CSMD3: variants seen among roughly 807,000 people sequenced by gnomAD.
The protein encoded by CSMD3 is CUB and Sushi multiple domains 3.
Under a neutral mutation model 435.2 loss-of-function variants are expected in CSMD3, and 177 were observed. The observed-to-expected ratio is 0.41, with a 90% CI of 0.36 to 0.46. The LOEUF (loss-of-function observed/expected upper bound fraction) is 0.46, where lower values mean the gene tolerates loss of function less well. Ranked by LOEUF, CSMD3 falls within the 20% of genes least tolerant of loss-of-function variation. The pLI is 0.34. For missense variants in CSMD3, 4,265 were observed against 4,504.6 expected, an observed-to-expected ratio of 0.95 and a Z score of 1.52; for synonymous variants, 1,656 against 1,520.5, an observed-to-expected ratio of 1.09 and a Z score of -2.07.
chr8:113,191,703 T>C (rs2092588312), intron 3 of CSMD3, among the ~76,000 whole-genome samples: 2 of 152,000 alleles, frequency 1.3e-5, no homozygotes, highest in South Asian at 2.1e-4. Context: ...CTATTGTGAA[T>C]AGTGCTGCAA....
At chr8:113,346,233 T>C (rs549145982) in intron 1 of CSMD3, among the ~76,000 whole-genome samples, 20 of 152,132 alleles carry the variant, frequency 1.3e-4, no homozygotes, top group Admixed American at 8.5e-4. Flanking sequence ...ACTTTTAGAA[T>C]ATCCTCAATT....
chr8:112,899,489 C>T (rs990487125), intron 10 of CSMD3, among the ~76,000 whole-genome samples: 1 of 145,254 alleles, frequency 6.9e-6, no homozygotes, highest in Admixed American at 7.0e-5. Context: ...AAAGCATTCA[C>T]TAAAGACTTC....
At chr8:112,924,338 T>C (rs553842865) in intron 9 of CSMD3, among the ~76,000 whole-genome samples, 53 of 152,276 alleles carry the variant, frequency 3.5e-4, no homozygotes, top group Admixed American at 3.1e-3. Flanking sequence ...AAGCTAATGA[T>C]GGTAAAAACT....
intron 1 of CSMD3, among the ~76,000 whole-genome samples, chr8:113,320,931 C>T (rs544707231): frequency 6.6e-6 from 1 of 151,520 alleles, no homozygotes; most frequent in South Asian, 2.1e-4. Flanking sequence ...CATGTAGAAA[C>T]TAGTCATCCA....
At chr8:112,351,332 G>A in intron 39 of CSMD3, 88 bp from the exon 40 acceptor site, 1 of 873,076 alleles carries the variant, frequency 1.1e-6, no homozygotes, top group East Asian at 2.4e-5. Context: ...ATAAAAACAA[G>A]CTTAAGTACA....
intron 1 of CSMD3, among the ~76,000 whole-genome samples, chr8:113,435,235 G>C (rs2130130721): frequency 6.6e-6 from 1 of 152,290 alleles, no homozygotes; most frequent in Non-Finnish European, 1.5e-5. Flanking sequence ...GCCCCAGAGA[G>C]AAAAGAAAAA....
intron 32 of CSMD3, among the ~76,000 whole-genome samples, chr8:112,445,107 G>A (rs1237862745): frequency 6.6e-6 from 1 of 152,000 alleles, no homozygotes; most frequent in Non-Finnish European, 1.5e-5. Context: ...GCTGGGTGTG[G>A]TGATGTGTGC....
At chr8:112,570,581 A>C (rs1177668584) in intron 24 of CSMD3, among the ~76,000 whole-genome samples, 2 of 152,234 alleles carry the variant, frequency 1.3e-5, no homozygotes, top group Non-Finnish European at 2.9e-5. Flanking sequence ...AATAGTATAT[A>C]CTTGGAGGAT....
chr8:113,427,935 A>T (rs2094645726), intron 1 of CSMD3, among the ~76,000 whole-genome samples: 1 of 151,664 alleles, frequency 6.6e-6, no homozygotes, highest in Admixed American at 6.6e-5. Context: ...ACAAATTTTA[A>T]ATTTTACTCA....
chr8:112,225,454 G>T (rs193270650), intron 70 of CSMD3, among the ~76,000 whole-genome samples: 418 of 152,152 alleles, frequency 2.7e-3, no homozygotes, highest in African/African-American at 9.5e-3. Flanking sequence ...TAGGTAATGA[G>T]AATTGTTATG....
intron 3 of CSMD3, among the ~76,000 whole-genome samples, chr8:113,210,850 C>A (rs1217892093): frequency 6.6e-6 from 1 of 151,200 alleles, no homozygotes; most frequent in Non-Finnish European, 1.5e-5. Context: ...TGCACTCTAG[C>A]CAGGGGCAAC....
intron 10 of CSMD3, among the ~76,000 whole-genome samples, chr8:112,888,694 G>A (rs929549542): frequency 6.6e-6 from 1 of 151,660 alleles, no homozygotes; most frequent in Non-Finnish European, 1.5e-5. Flanking sequence ...TCGCTTTGTA[G>A]GTTAAGAATT....
At chr8:113,097,717 A>T (rs1481813314) in intron 5 of CSMD3, among the ~76,000 whole-genome samples, 1 of 152,090 alleles carries the variant, frequency 6.6e-6, no homozygotes, top group Admixed American at 6.6e-5. Context: ...TATATTCAAA[A>T]CAAATCTCAA....
chr8:112,922,730 C>T (rs1271479172), intron 9 of CSMD3, among the ~76,000 whole-genome samples: 1 of 151,984 alleles, frequency 6.6e-6, no homozygotes, highest in African/African-American at 2.4e-5. Flanking sequence ...TAAATAGTCC[C>T]TTAACATGGC....
intron 31 of CSMD3, among the ~76,000 whole-genome samples, chr8:112,491,187 T>C (rs995804775): frequency 6.6e-6 from 1 of 152,224 alleles, no homozygotes. Flanking sequence ...TTACTATGTG[T>C]ATTAGATATC....
chr8:112,656,118 A>G (rs768149071), intron 18 of CSMD3, 36 bp downstream of exon 18: 1 of 1,130,356 alleles, frequency 8.8e-7, no homozygotes, highest in Non-Finnish European at 1.3e-6. Flanking sequence ...TAGGGCAAAC[A>G]GAATGAGGAA....
chr8:112,288,003 TGA>T (rs905001878), intron 57 of CSMD3, among the ~76,000 whole-genome samples: 2 of 145,526 alleles, frequency 1.4e-5, no homozygotes, highest in Non-Finnish European at 3.0e-5. Context: ...TAATATACAT[TGA>T]GAGAGAGAGT....
At chr8:112,316,077 T>C (rs1822431003) in intron 47 of CSMD3, among the ~76,000 whole-genome samples, 1 of 151,852 alleles carries the variant, frequency 6.6e-6, no homozygotes. Context: ...CAGCATATGA[T>C]TTCTCTATAA....
At chr8:113,187,339 G>C (rs1271418129) in intron 3 of CSMD3, among the ~76,000 whole-genome samples, 2 of 151,770 alleles carry the variant, frequency 1.3e-5, no homozygotes, top group Non-Finnish European at 2.9e-5. Flanking sequence ...AGTTTACATA[G>C]AGTCACTGTC....
Sources: gnomAD v4.1 joint callset for allele counts (sites outside exome capture counted in the v4.1 genomes callset) on GRCh38, gnomAD v4.1.1 for gene constraint, MANE v1.5 for transcripts, NCBI Gene and HGNC (gene_info 2026-07-23, HGNC 2026-07-21) for gene names.